EFNB1: variants seen among roughly 807,000 people sequenced by gnomAD.
EFNB1 encodes ephrin B1.
Under a neutral mutation model 18.1 loss-of-function variants are expected in EFNB1, and 1 was observed. That is an observed-to-expected ratio of 0.06 (90% CI 0.02 to 0.26). The LOEUF is 0.26. EFNB1 is among the 10% of genes least tolerant of loss of function. EFNB1 has a pLI of 1.00. For synonymous variants in EFNB1, 131 were observed against 127.5 expected (o/e 1.03, Z -0.19); for missense variants, 221 against 301.8 (o/e 0.73, Z 1.98).
chrX:68,838,796 G>C lies in EFNB1; in HGVS notation c.308G>C (p.Arg103Thr). Residue 103 changes from arginine (R) to threonine (T), a missense_variant, in exon 2 of 5, where the codon AGG (arginine) becomes ACG (threonine). Coordinates refer to ENST00000204961, the MANE Select transcript of EFNB1 (RefSeq NM_004429.5). The stretch of plus-strand genomic sequence containing the variant: ...CCCAACGTGTTGGTCACCTGCAATA[G>C]GCCAGAGCAGGAAATACGCTTTACC... The part of the protein sequence containing the change: ...LDPNVLVTCN[R>T]PEQEIRFTIK... 1.7e-6 allele frequency: 2 copies of C among 1,207,938 alleles called. No individual in the cohort carries two copies. The highest frequency in any genetic ancestry group is 2.2e-6 in the Non-Finnish European group (2 of 893,544).
chrX:68,829,420 G>A lies in EFNB1; in HGVS notation c.-357G>A. The A allele has an allele frequency of 4.1e-6, 1 of 245,667 alleles. No individual in the cohort carries two copies. The highest frequency in any genetic ancestry group is 7.3e-6 in the Non-Finnish European group (1 of 137,116). The allele number at this position is 245,667 out of a possible 1,213,427, so 20.2% of individuals were successfully genotyped here. A position where few individuals can be genotyped will look rare whatever the true frequency, so the allele number is the denominator to read the frequency against. ...ACCGAGACCTCTGCGGGAAGACCCCGTCGGGGAGAGGGCGCGCAGCCCCGA... is the reference window on the plus strand; with the variant it reads ...ACCGAGACCTCTGCGGGAAGACCCCATCGGGGAGAGGGCGCGCAGCCCCGA... On this transcript the variant is annotated 5_prime_UTR_variant, in exon 1 of 5. Coordinates refer to ENST00000204961, the MANE Select transcript of EFNB1 (RefSeq NM_004429.5).
chrX:68,834,083 T>C (rs1277506149), intron 1 of EFNB1, among the ~76,000 whole-genome samples: 2 of 112,267 alleles, frequency 1.8e-5, no homozygotes, highest in African/African-American at 3.2e-5. Context: ...TGAGTTCCCC[T>C]CTTACCTCGC....
At chrX:68,833,390 C>T (rs2080452098) in intron 1 of EFNB1, among the ~76,000 whole-genome samples, 2 of 112,369 alleles carry the variant, frequency 1.8e-5, no homozygotes, top group Non-Finnish European at 1.9e-5. Flanking sequence ...CAGGCAAGGG[C>T]AAGAAGGACC....
chrX:68,840,387 G>A lies in EFNB1; in HGVS notation c.774G>A (p.Leu258=), dbSNP rs373289351. 22 of 1,211,854 alleles carry A rather than the reference G, an allele frequency of 1.8e-5. No individual in the cohort carries two copies. Among genetic ancestry groups the A allele is most frequent in the Non-Finnish European group, 2.2e-5 (20 of 895,522 alleles). ...CVIFLLIIIF[L]TVLLLKLRKR... Reference sequence around the variant, plus strand: ...TCTTCCTGCTCATCATCATCTTCCTGACGGTCCTACTACTGAAGCTACGCA... The same window carrying A: ...TCTTCCTGCTCATCATCATCTTCCTAACGGTCCTACTACTGAAGCTACGCA... Residue 258 remains leucine (L), a synonymous_variant, in exon 5 of 5, where the codon CTG becomes CTA. Coordinates refer to ENST00000204961, the MANE Select transcript of EFNB1 (RefSeq NM_004429.5).
chrX:68,838,776 C>A lies in EFNB1; in HGVS notation c.288C>A (p.Asn96Lys), dbSNP rs1362605865. The A allele has an allele frequency of 8.3e-7, 1 of 1,210,257 alleles. No homozygotes were observed. Among genetic ancestry groups the A allele is most frequent in the Non-Finnish European group, 1.1e-6 (1 of 894,712 alleles). Residue 96 changes from asparagine (N) to lysine (K), a missense_variant, in exon 2 of 5, where the codon AAC becomes AAA. Asn to Lys is a moderately conservative substitution (Grantham distance 94, BLOSUM62 0). Coordinates refer to ENST00000204961, the MANE Select transcript of EFNB1 (RefSeq NM_004429.5). ...CCTGTAGCACAGTTCTCGACCCCAACGTGTTGGTCACCTGCAATAGGCCAG... is the reference window on the plus strand; with the variant it reads ...CCTGTAGCACAGTTCTCGACCCCAAAGTGTTGGTCACCTGCAATAGGCCAG... The part of the protein sequence containing the change: ...AAACSTVLDP[N>K]VLVTCNRPEQ...
At position 68,839,941 on chromosome X, in the gene EFNB1, G is replaced by A. The variant is rs750593942; in HGVS notation, c.500-19G>A. ...CTGGCCGGGTCCCTGCCTCTCACCT[G>A]TTCTGTCTCCATTCTTAGATCCCAA... On this transcript the variant is annotated intron_variant, in intron 3 of 4. Transcript: ENST00000204961. The A allele has an allele frequency of 8.3e-7, 1 of 1,211,867 alleles. No homozygotes were observed. Among genetic ancestry groups the A allele is most frequent in the Non-Finnish European group, 1.1e-6 (1 of 895,469 alleles).
Position 68,840,661 on chromosome X carries a change from G to C in EFNB1, c.*7G>C, listed in dbSNP as rs757059116. 4 of 1,202,158 alleles carry C rather than the reference G, an allele frequency of 3.3e-6. No homozygotes were observed. The highest frequency in any genetic ancestry group is 1.7e-5 in the African/African-American group (1 of 57,583). On this transcript the variant is annotated 3_prime_UTR_variant, in exon 5 of 5. Coordinates refer to ENST00000204961, the MANE Select transcript of EFNB1 (RefSeq NM_004429.5). The stretch of plus-strand genomic sequence containing the variant: ...CATCTACTACAAGGTCTGAGTGCCC[G>C]GCACGGCCTCAGGCCCCCGAGGGAC...
intron 1 of EFNB1, among the ~76,000 whole-genome samples, chrX:68,831,172 A>T (rs638408): frequency 9.2e-6 from 1 of 108,480 alleles, no homozygotes; most frequent in African/African-American, 3.4e-5. Flanking sequence ...TTGCTGCCCC[A>T]CGCCGCCTCC....
chrX:68,838,583 C>T (rs772218757), intron 1 of EFNB1, 34 bp from the exon 2 acceptor site: 3 of 1,210,590 alleles, frequency 2.5e-6, no homozygotes, highest in South Asian at 1.8e-5. Flanking sequence ...CCACCCCCAA[C>T]CCTGAGGCTG....
chrX:68,836,706 T>C (rs1346265792), intron 1 of EFNB1, among the ~76,000 whole-genome samples: 2 of 112,262 alleles, frequency 1.8e-5, no homozygotes, highest in African/African-American at 6.5e-5. Context: ...ATGATTGTGG[T>C]AGCCTGTGAA....
rs1276453959 is a variant in EFNB1, at chrX:68,829,972, G to C, written c.128+68G>C. 3 of 1,147,901 alleles carry C rather than the reference G, an allele frequency of 2.6e-6. No homozygotes were observed. In the South Asian group the frequency reaches 5.8e-5, roughly 22 times the overall value. The allele number at this position is 1,147,901 out of a possible 1,213,427, so 94.6% of individuals were successfully genotyped here. Reference sequence around the variant, plus strand: ...CCTTCAGGGTGAGGCCGCACGCCCCGGAGTGCATGTGGGGAGGTCTTCGGA... The same window carrying C: ...CCTTCAGGGTGAGGCCGCACGCCCCCGAGTGCATGTGGGGAGGTCTTCGGA... On this transcript the variant is annotated intron_variant, in intron 1 of 4. Transcript: ENST00000204961.
Position 68,840,487 on chromosome X carries a change from A to G in EFNB1, c.874A>G (p.Ser292Gly). ...LSTLASPKGG[S>G]GTAGTEPSDI... ...TACCCTGGCCAGTCCCAAGGGGGGC[A>G]GTGGCACAGCGGGCACCGAGCCCAG... is the stretch of plus-strand genomic sequence containing the variant. The change falls in exon 5 of 5, where the codon AGT becomes GGT. Residue 292 changes from serine to glycine, a missense_variant. Ser to Gly is a moderately conservative substitution (Grantham distance 56). Coordinates refer to ENST00000204961, the MANE Select transcript of EFNB1 (RefSeq NM_004429.5). 2 of 1,211,478 alleles carry G rather than the reference A, an allele frequency of 1.7e-6. No homozygotes were observed. The highest frequency in any genetic ancestry group is 2.2e-6 in the Non-Finnish European group (2 of 895,146).
chrX:68,840,804 C>T lies in EFNB1; in HGVS notation c.*150C>T. The T allele has an allele frequency of 1.5e-6, 1 of 662,213 alleles. No individual in the cohort carries two copies. The highest frequency in any genetic ancestry group is 2.9e-5 in the Admixed American group (1 of 35,013). 54.6% of individuals were successfully genotyped at this position (662,213 alleles called of 1,213,427 possible). A position where few individuals can be genotyped will look rare whatever the true frequency, so the allele number is the denominator to read the frequency against. Reference sequence around the variant, plus strand: ...CTTTTATAATCCCCCTTTTTCCCTGCCCCCTGGGCTTCGGAGGGGGGTGCT... The same window carrying T: ...CTTTTATAATCCCCCTTTTTCCCTGTCCCCTGGGCTTCGGAGGGGGGTGCT... On this transcript the variant is annotated 3_prime_UTR_variant, in exon 5 of 5. Transcript: ENST00000204961.
intron 1 of EFNB1, among the ~76,000 whole-genome samples, chrX:68,832,395 C>A (rs2080448148): frequency 9.0e-6 from 1 of 111,278 alleles, no homozygotes; most frequent in Non-Finnish European, 1.9e-5. Context: ...CATTTTCTCT[C>A]TTCCTTCCCC....
At position 68,841,095 on chromosome X, in the gene EFNB1, TA is replaced by T; in HGVS notation, c.*445del. ...TTTTTTGAAGAAAAATGGAAAAATG[TA>T]AAAGGCAGCCCCTCCCCAGGCTTTG... is the stretch of plus-strand genomic sequence containing the variant. On this transcript the variant is annotated 3_prime_UTR_variant, in exon 5 of 5. Coordinates refer to ENST00000204961, the MANE Select transcript of EFNB1 (RefSeq NM_004429.5). The T allele has an allele frequency of 6.4e-6, 1 of 155,438 alleles. No homozygotes were observed. The highest frequency in any genetic ancestry group is 1.3e-5 in the Non-Finnish European group (1 of 79,850). 12.8% of individuals were successfully genotyped at this position (155,438 alleles called of 1,213,427 possible).
intron 1 of EFNB1, among the ~76,000 whole-genome samples, chrX:68,831,827 A>G (rs1227410564): frequency 1.8e-5 from 2 of 109,663 alleles, no homozygotes; most frequent in African/African-American, 6.7e-5. Flanking sequence ...GGGGGGTGGT[A>G]TCCTCTCTGA....
At position 68,842,034 on chromosome X, in the gene EFNB1, G is replaced by T. The variant is rs1189500204; in HGVS notation, c.*1380G>T. On this transcript the variant is annotated 3_prime_UTR_variant, in exon 5 of 5. Transcript: ENST00000204961. ...TTTGTTTTTGTTTCTGTTGCCATTT[G>T]TGTAAATACTAGTCTTTTTGGAAAA... 1.8e-5 allele frequency: 2 copies of T among 112,269 alleles called. No homozygotes were observed. Among genetic ancestry groups the T allele is most frequent in the Non-Finnish European group, 3.8e-5 (2 of 53,142 alleles). The allele number at this position is 112,269 out of a possible 1,213,427, so 9.3% of individuals were successfully genotyped here.
Position 68,841,160 on chromosome X carries a change from C to T in EFNB1, c.*506C>T, listed in dbSNP as rs2080477459. ...AGCCAGTACAAGAGGGCCTGGGGCA[C>T]GATGTGGTCAGCCAGGAAGCATAGG... is the stretch of plus-strand genomic sequence containing the variant. On this transcript the variant is annotated 3_prime_UTR_variant, in exon 5 of 5. Coordinates refer to ENST00000204961, the MANE Select transcript of EFNB1 (RefSeq NM_004429.5). 4 of 129,437 alleles carry T rather than the reference C, an allele frequency of 3.1e-5. No homozygotes were observed. The highest frequency in any genetic ancestry group is 7.8e-5 in the Admixed American group (1 of 12,834). The allele number at this position is 129,437 out of a possible 1,213,427, so 10.7% of individuals were successfully genotyped here.
At chrX:68,832,833 T>TGC (rs1212748999) in intron 1 of EFNB1, among the ~76,000 whole-genome samples, 24 of 109,688 alleles carry the variant, frequency 2.2e-4, no homozygotes, top group Non-Finnish European at 3.8e-4. Flanking sequence ...TGTGTGTGTG[T>TGC]GTGTGTGTCT....
Sources: gnomAD v4.1 joint callset for allele counts (sites outside exome capture counted in the v4.1 genomes callset) on GRCh38, gnomAD v4.1.1 for gene constraint, MANE v1.5 for transcripts, NCBI Gene and HGNC (gene_info 2026-07-23, HGNC 2026-07-21) for gene names.